Variants in KCNIP4 observed in about 807,000 individuals in gnomAD.
The protein encoded by KCNIP4 is potassium voltage-gated channel interacting protein 4, also known as Kv channel-interacting protein 4.
Under a neutral mutation model 34.0 loss-of-function variants are expected in KCNIP4, and 12 were observed. The observed-to-expected ratio is 0.35, with a 90% CI of 0.23 to 0.57. The LOEUF is 0.57. Ranked by LOEUF, KCNIP4 falls within the 20% of genes least tolerant of loss-of-function variation. KCNIP4 has a pLI of 0.83. For synonymous variants in KCNIP4, 124 were observed against 102.2 expected, an observed-to-expected ratio of 1.21 and a Z score of -1.29; for missense variants, 238 against 311.7, an observed-to-expected ratio of 0.76 and a Z score of 1.78.
intron 1 of KCNIP4, among the ~76,000 whole-genome samples, chr4:20,968,017 T>C (rs888805208): frequency 6.6e-6 from 1 of 152,094 alleles, no homozygotes; most frequent in African/African-American, 2.4e-5. Context: ...GAGAAAATTT[T>C]TGCAATCTAC....
chr4:21,892,323 A>C (rs1727143253), intron 1 of KCNIP4, among the ~76,000 whole-genome samples: 1 of 66,460 alleles, frequency 1.5e-5, no homozygotes, highest in Non-Finnish European at 3.2e-5. Flanking sequence ...ATCCAAATAC[A>C]AAAAAAAAAG....
chr4:21,249,026 T>A (rs1760493690), intron 1 of KCNIP4, among the ~76,000 whole-genome samples: 1 of 152,150 alleles, frequency 6.6e-6, no homozygotes, highest in Non-Finnish European at 1.5e-5. Flanking sequence ...AACAATCTAG[T>A]GGACAACATT....
At chr4:20,747,152 A>C (rs1752563300) in intron 5 of KCNIP4, among the ~76,000 whole-genome samples, 1 of 152,202 alleles carries the variant, frequency 6.6e-6, no homozygotes, top group Non-Finnish European at 1.5e-5. Flanking sequence ...ATTTTACATA[A>C]ATATTATAAA....
chr4:21,408,435 G>C (rs1724195570), intron 1 of KCNIP4, among the ~76,000 whole-genome samples: 1 of 152,118 alleles, frequency 6.6e-6, no homozygotes, highest in African/African-American at 2.4e-5. Context: ...GAGAAGCCAA[G>C]GAAATACAGG....
At chr4:20,855,334 T>G (rs1721456212) in intron 2 of KCNIP4, among the ~76,000 whole-genome samples, 2 of 152,192 alleles carry the variant, frequency 1.3e-5, no homozygotes, top group Non-Finnish European at 2.9e-5. Flanking sequence ...AGGCTCAGTA[T>G]GAAGCCTTGG....
chr4:20,822,013 T>C (rs890300248), intron 3 of KCNIP4, among the ~76,000 whole-genome samples: 1 of 146,934 alleles, frequency 6.8e-6, no homozygotes, highest in Admixed American at 6.6e-5. Flanking sequence ...TCATAGAGAA[T>C]TCATGACTAA....
At chr4:21,799,065 C>T (rs1446312244) in intron 1 of KCNIP4, among the ~76,000 whole-genome samples, 2 of 151,982 alleles carry the variant, frequency 1.3e-5, no homozygotes, top group Non-Finnish European at 2.9e-5. Context: ...ATAATTTCAA[C>T]TTTTACATTC....
intron 1 of KCNIP4, chr4:21,849,742 T>C (rs1436785695): frequency 6.6e-6 from 1 of 152,104 alleles, no homozygotes; most frequent in Non-Finnish European, 1.5e-5. Flanking sequence ...AGGGAGTAGA[T>C]GCTGCTCTTC....
chr4:21,017,467 T>C (rs1739648131), intron 1 of KCNIP4, among the ~76,000 whole-genome samples: 1 of 152,174 alleles, frequency 6.6e-6, no homozygotes, highest in Non-Finnish European at 1.5e-5. Flanking sequence ...CTCTGTTAGT[T>C]TGCTGCGGAT....
intron 1 of KCNIP4, among the ~76,000 whole-genome samples, chr4:20,952,904 T>G (rs952476237): frequency 6.6e-6 from 1 of 152,262 alleles, no homozygotes; most frequent in African/African-American, 2.4e-5. Flanking sequence ...CTGTTGCTCA[T>G]AGATGACACC....
rs1763537195 is a variant in KCNIP4, at chr4:21,291,924, AAAGAAAGAAAGAAAAAAAAAG to A, written c.62-409236_62-409216del. Among the ~76,000 whole-genome samples, 6 of 90,116 alleles carry A rather than the reference AAAGAAAGAAAGAAAAAAAAAG, an allele frequency of 6.7e-5. 1 individual carries two copies. The highest frequency in any genetic ancestry group is 7.6e-4 in the South Asian group (2 of 2,634). The allele number at this position is 90,116 out of a possible 152,430, so 59.1% of individuals were successfully genotyped here. On this transcript the variant is annotated intron_variant, in intron 1 of 8. Transcript: ENST00000382152. ...GAAAGAAAGAAAGAAAGAAAGAAAG[AAAGAAAGAAAGAAAAAAAAAG>A]AAAAAAGTCTGATGAATAAATCTTC...
intron 1 of KCNIP4, among the ~76,000 whole-genome samples, chr4:21,492,697 G>A (rs557617730): frequency 1.3e-4 from 20 of 152,136 alleles, no homozygotes; most frequent in Admixed American, 2.0e-4. Context: ...TCTTTGAAGC[G>A]TATTTCTTCC....
intron 1 of KCNIP4, among the ~76,000 whole-genome samples, chr4:21,178,450 G>T (rs1262503945): frequency 6.6e-6 from 1 of 152,058 alleles, no homozygotes; most frequent in African/African-American, 2.4e-5. Context: ...CGTTACTGGG[G>T]TTCACATGAA....
intron 4 of KCNIP4, among the ~76,000 whole-genome samples, chr4:20,755,995 G>A (rs972515785): frequency 6.6e-6 from 1 of 152,086 alleles, no homozygotes; most frequent in African/African-American, 2.4e-5. Context: ...CTATGGAATG[G>A]TATGGTTTCG....
intron 1 of KCNIP4, among the ~76,000 whole-genome samples, chr4:21,412,278 G>A (rs150613619): frequency 2.6e-4 from 40 of 152,146 alleles, no homozygotes; most frequent in African/African-American, 9.4e-4. Flanking sequence ...TTGAAAACCT[G>A]CGATCCCATT....
At chr4:20,847,018 T>A (rs570722807) in intron 3 of KCNIP4, among the ~76,000 whole-genome samples, 1 of 152,274 alleles carries the variant, frequency 6.6e-6, no homozygotes, top group African/African-American at 2.4e-5. Context: ...ATTTTCTGCA[T>A]CCTTCCTAAT....
chr4:21,458,004 T>G (rs946733013), intron 1 of KCNIP4, among the ~76,000 whole-genome samples: 6 of 151,968 alleles, frequency 3.9e-5, no homozygotes, highest in African/African-American at 1.5e-4. Flanking sequence ...AACACTTTTT[T>G]TTTTATACTT....
At chr4:21,577,612 C>T (rs1740842057) in intron 1 of KCNIP4, among the ~76,000 whole-genome samples, 1 of 146,810 alleles carries the variant, frequency 6.8e-6, no homozygotes, top group South Asian at 2.2e-4. Flanking sequence ...GCCGGAATAA[C>T]AAGAGCGAAA....
intron 1 of KCNIP4, among the ~76,000 whole-genome samples, chr4:21,516,576 G>C (rs1734779038): frequency 6.6e-6 from 1 of 152,304 alleles, no homozygotes; most frequent in South Asian, 2.1e-4. Context: ...GGAAAGGCTT[G>C]CATCAGTTTC....
Sources: gnomAD v4.1 joint callset for allele counts (sites outside exome capture counted in the v4.1 genomes callset) on GRCh38, gnomAD v4.1.1 for gene constraint, MANE v1.5 for transcripts, NCBI Gene and HGNC (gene_info 2026-07-23, HGNC 2026-07-21) for gene names.